The following USP49 variants were observed in gnomAD, a reference collection of about 807,000 sequenced individuals.
USP49 encodes ubiquitin specific peptidase 49, also known as ubiquitin carboxyl-terminal hydrolase 49.
In USP49, 24 loss-of-function variants were observed where a neutral mutation model predicts 58.6. The observed-to-expected ratio is 0.41, with a 90% CI of 0.30 to 0.58. The LOEUF is 0.58. Among genes scored for constraint, USP49 ranks in the 20% least tolerant of loss-of-function variants. The pLI, the probability that USP49 is intolerant of heterozygous loss-of-function variation, is 0.30. For synonymous variants in USP49, 408 were observed against 365.1 expected (o/e 1.12, Z -1.34); for missense variants, 703 against 866.1 (o/e 0.81, Z 2.36).
intron 3 of USP49, among the ~76,000 whole-genome samples, chr6:41,846,441 T>C (rs1773924991): frequency 6.6e-6 from 1 of 152,210 alleles, no homozygotes; most frequent in Non-Finnish European, 1.5e-5. Context: ...CATTTTTCAC[T>C]ATATTTCCAG....
rs184147677 is a variant in USP49, at chr6:41,823,832, G to C, written c.-28-16821C>G. On this transcript the variant is annotated intron_variant, in intron 3 of 7. Coordinates refer to ENST00000682992, the MANE Select transcript of USP49 (RefSeq NM_001286554.2). ...TCTGAAGTGGGCAGTGGAGGTGGTGGGGGGGTCGGGAGAGAGGGAGAGAGA... is the reference window on the plus strand; with the variant it reads ...TCTGAAGTGGGCAGTGGAGGTGGTGCGGGGGTCGGGAGAGAGGGAGAGAGA... Among the ~76,000 whole-genome samples, 332 of 152,202 alleles carry C rather than the reference G, an allele frequency of 2.2e-3. 3 individuals carry two copies. The highest frequency in any genetic ancestry group is 6.6e-3 in the African/African-American group (274 of 41,506).
At chr6:41,831,563 A>G (rs1261610381) in intron 3 of USP49, among the ~76,000 whole-genome samples, 1 of 146,100 alleles carries the variant, frequency 6.8e-6, no homozygotes, top group African/African-American at 2.6e-5. Flanking sequence ...TTGGGCAACA[A>G]GAGCAAAACT....
chr6:41,824,359 G>A (rs962258662), intron 3 of USP49, among the ~76,000 whole-genome samples: 2 of 151,738 alleles, frequency 1.3e-5, no homozygotes, highest in African/African-American at 2.4e-5. Flanking sequence ...TTGAAAAATT[G>A]TTTAATAGCA....
intron 3 of USP49, among the ~76,000 whole-genome samples, chr6:41,849,792 GAGACA>G: frequency 6.6e-6 from 1 of 151,936 alleles, no homozygotes; most frequent in Non-Finnish European, 1.5e-5. Flanking sequence ...TATTTTAGTA[GAGACA>G]AGGTTTTACC....
chr6:41,882,262 A>G (rs1430246741), intron 2 of USP49, among the ~76,000 whole-genome samples: 1 of 152,104 alleles, frequency 6.6e-6, no homozygotes, highest in Non-Finnish European at 1.5e-5. Context: ...AAACATACCT[A>G]CTCTACTAAC....
At chr6:41,852,164 A>G (rs1438409878) in intron 3 of USP49, among the ~76,000 whole-genome samples, 2 of 151,978 alleles carry the variant, frequency 1.3e-5, no homozygotes, top group Admixed American at 6.6e-5. Context: ...CATCTCTACT[A>G]AAAATACAAA....
chr6:41,801,089 G>A (rs1049565782), intron 5 of USP49, among the ~76,000 whole-genome samples: 1 of 152,224 alleles, frequency 6.6e-6, no homozygotes, highest in African/African-American at 2.4e-5. Context: ...AGCCCACTGT[G>A]CCCAGCCTTG....
chr6:41,791,375 TG>T lies in USP49; in HGVS notation c.*5157del, dbSNP rs1460921643. On this transcript the variant is annotated 3_prime_UTR_variant, in exon 8 of 8. Transcript: ENST00000682992. The stretch of plus-strand genomic sequence containing the variant: ...ATCCTCCCACCTTGGCCTCCCAAAG[TG>T]TTGGGATTACAGGTGCTAGCCAACT... 6.6e-5 allele frequency: 10 copies of T among 152,262 alleles called. No homozygotes were observed. The highest frequency in any genetic ancestry group is 2.4e-4 in the African/African-American group (10 of 41,468). The allele number at this position is 152,262 out of a possible 1,614,324, so 9.4% of individuals were successfully genotyped here.
At chr6:41,894,662 C>T (rs756134940) in intron 1 of USP49, among the ~76,000 whole-genome samples, 12 of 150,784 alleles carry the variant, frequency 8.0e-5, no homozygotes, top group Non-Finnish European at 1.3e-4. Flanking sequence ...CCAACACTTA[C>T]CCCGGTACCC....
At position 41,815,147 on chromosome 6, in the gene USP49, G is replaced by A. The variant is rs564816639; in HGVS notation, c.-28-8136C>T. Among the ~76,000 whole-genome samples the A allele has an allele frequency of 1.6e-4, 25 of 152,228 alleles. No homozygotes were observed. The East Asian group carries it at 2.7e-3, about 16-fold the overall frequency. ...AACAAAAACAAAAAGGGGGCCGGGC[G>A]TGGTGGCTCACACCTGTAATCCCAG... is the stretch of plus-strand genomic sequence containing the variant. On this transcript the variant is annotated intron_variant, in intron 3 of 7. Transcript: ENST00000682992.
At chr6:41,875,459 T>C (rs1167672835) in intron 2 of USP49, among the ~76,000 whole-genome samples, 1 of 152,238 alleles carries the variant, frequency 6.6e-6, no homozygotes, top group Admixed American at 6.5e-5. Context: ...CTTATTGTGA[T>C]AGTAAATAAT....
chr6:41,837,534 C>T (rs893568455), intron 3 of USP49, among the ~76,000 whole-genome samples: 1 of 152,200 alleles, frequency 6.6e-6, no homozygotes, highest in South Asian at 2.1e-4. Flanking sequence ...ATTCTGGACA[C>T]AGGCCCTGGC....
intron 2 of USP49, among the ~76,000 whole-genome samples, chr6:41,877,145 T>A (rs1774516641): frequency 6.6e-6 from 1 of 152,238 alleles, no homozygotes; most frequent in Non-Finnish European, 1.5e-5. Context: ...TAGTTTGCCA[T>A]GGGTTTTGTC....
intron 3 of USP49, among the ~76,000 whole-genome samples, chr6:41,858,586 A>G (rs928678655): frequency 4.0e-5 from 6 of 151,796 alleles, no homozygotes; most frequent in African/African-American, 1.5e-4. Flanking sequence ...CATGAGCCAC[A>G]TTGGCCTCCT....
At chr6:41,838,656 T>C (rs541951308) in intron 3 of USP49, among the ~76,000 whole-genome samples, 12 of 152,118 alleles carry the variant, frequency 7.9e-5, no homozygotes, top group Admixed American at 2.6e-4. Context: ...ACTGAAATAG[T>C]CTACCCAAAT....
chr6:41,797,114 C>T (rs889379416), intron 7 of USP49, among the ~76,000 whole-genome samples: 2 of 152,110 alleles, frequency 1.3e-5, no homozygotes, highest in South Asian at 2.1e-4. Context: ...GTGCCCACCA[C>T]CACGCCCGGC....
chr6:41,800,348 G>A (rs1017183244), intron 5 of USP49, among the ~76,000 whole-genome samples: 1 of 152,226 alleles, frequency 6.6e-6, no homozygotes, highest in African/African-American at 2.4e-5. Context: ...CAGCCACCAT[G>A]CTGGCCCTGA....
At chr6:41,842,217 C>T (rs1197990473) in intron 3 of USP49, among the ~76,000 whole-genome samples, 1 of 151,210 alleles carries the variant, frequency 6.6e-6, no homozygotes, top group Non-Finnish European at 1.5e-5. Flanking sequence ...GATAAGAAGA[C>T]ACATACTTAG....
Position 41,805,754 on chromosome 6 carries a change from C to A in USP49, c.1230G>T (p.Lys410Asn). The A allele has an allele frequency of 6.2e-7, 1 of 1,614,114 alleles. No homozygotes were observed. The highest frequency in any genetic ancestry group is 8.5e-7 in the Non-Finnish European group (1 of 1,180,020). The change falls in exon 4 of 8, where the codon AAG (lysine) becomes AAT (asparagine). Residue 410 changes from lysine (K) to asparagine (N), a missense_variant. By Grantham distance (94) the Lys-to-Asn change is moderately conservative (BLOSUM62 0). Coordinates refer to ENST00000682992, the MANE Select transcript of USP49 (RefSeq NM_001286554.2). ...CCTCAGACTCGAGTTCCTGCTGCAC[C>A]TTGTGCAGCAGCTCGCAGAGAAATT... ...AQEFLCELLH[K>N]VQQELESEGT... is the part of the protein sequence containing the mutation.
Sources: allele counts gnomAD v4.1 joint callset (sites outside exome capture counted in the v4.1 genomes callset), GRCh38; gene constraint gnomAD v4.1.1; transcripts MANE v1.5; gene names NCBI Gene and HGNC (gene_info 2026-07-23, HGNC 2026-07-21).